PAAF1: variants seen among roughly 807,000 people sequenced by gnomAD.
PAAF1 encodes the protein proteasomal ATPase associated factor 1, also known as proteasomal ATPase-associated factor 1.
PAAF1 carries 46 observed loss-of-function variants against 52.8 expected under a neutral mutation model. That is an observed-to-expected ratio of 0.87 (90% confidence interval 0.69 to 1.11). PAAF1 has a LOEUF of 1.11. Ranked by LOEUF, PAAF1 falls within the 50% of genes most tolerant of loss-of-function variation. PAAF1 has a pLI of 0.00. For missense variants in PAAF1, 424 were observed against 477.4 expected, an observed-to-expected ratio of 0.89 and a Z score of 1.04; for synonymous variants, 178 against 172.8, an observed-to-expected ratio of 1.03 and a Z score of -0.24.
At chr11:73,925,286 C>T (rs115178552) in intron 11 of PAAF1, among the ~76,000 whole-genome samples, 3 of 151,692 alleles carry the variant, frequency 2.0e-5, no homozygotes, top group Non-Finnish European at 4.4e-5. Context: ...ATGAGACCCC[C>T]GTCTCTACAA....
intron 3 of PAAF1, chr11:73,889,334 A>C (rs1949142248): frequency 2.6e-6 from 2 of 781,486 alleles, no homozygotes; most frequent in Non-Finnish European, 3.6e-6. Context: ...TCTCTTAAAC[A>C]GTAGATCTGT....
intron 6 of PAAF1, among the ~76,000 whole-genome samples, chr11:73,907,770 G>C (rs1168385999): frequency 6.6e-6 from 1 of 152,180 alleles, no homozygotes; most frequent in Non-Finnish European, 1.5e-5. Flanking sequence ...TTTTTCTGTT[G>C]ATGTCTACTG....
chr11:73,898,308 A>C (rs1591075487), intron 4 of PAAF1, among the ~76,000 whole-genome samples: 1 of 151,976 alleles, frequency 6.6e-6, no homozygotes, highest in East Asian at 1.9e-4. Flanking sequence ...GCATCTTAGA[A>C]CATTATCTTT....
chr11:73,894,430 A>G (rs1400576572), intron 4 of PAAF1, among the ~76,000 whole-genome samples: 2 of 152,178 alleles, frequency 1.3e-5, no homozygotes, highest in African/African-American at 4.8e-5. Flanking sequence ...AATTGAGGCC[A>G]GGAATTCAAG....
rs980912006 is a variant in PAAF1, at chr11:73,903,191, C to A, written c.532+2771C>A. 2.6e-5 allele frequency among the ~76,000 whole-genome samples: 4 copies of A among 152,280 alleles called. No individual in the cohort carries two copies. The South Asian group carries it at 8.3e-4, about 32-fold the overall frequency. ...TAGAAGAAATGACATGAAGTCAGAT[C>A]CAGGCTGGCCTCTTATCAGGTCACA... is the stretch of plus-strand genomic sequence containing the variant. On this transcript the variant is annotated intron_variant, in intron 6 of 11. Transcript: ENST00000310571.
At chr11:73,896,443 C>T (rs1331508216) in intron 4 of PAAF1, among the ~76,000 whole-genome samples, 3 of 151,024 alleles carry the variant, frequency 2.0e-5, no homozygotes. Flanking sequence ...GAGGACCCTG[C>T]GGCCTTCCGC....
chr11:73,876,908 GT>G, upstream of PAAF1: 1 of 1,101,644 alleles, frequency 9.1e-7, no homozygotes. Flanking sequence ...AAAAAGTCAC[GT>G]TTTCATTGGT....
At chr11:73,895,919 C>T (rs1422559999) in intron 4 of PAAF1, among the ~76,000 whole-genome samples, 16 of 152,116 alleles carry the variant, frequency 1.1e-4, no homozygotes, top group Admixed American at 5.2e-4. Flanking sequence ...CCACCCTGGG[C>T]AACATAGGGG....
intron 8 of PAAF1, among the ~76,000 whole-genome samples, chr11:73,914,893 A>T (rs1950022949): frequency 6.6e-6 from 1 of 151,778 alleles, no homozygotes; most frequent in Non-Finnish European, 1.5e-5. Flanking sequence ...TTCAGTAGAG[A>T]CGGGGTTTCA....
intron 10 of PAAF1, 99 bp downstream of exon 10, chr11:73,919,131 C>CCGA: frequency 9.9e-7 from 1 of 1,012,742 alleles, no homozygotes; most frequent in South Asian, 1.5e-5. Context: ...GGGCATGGTC[C>CCGA]CCCATGATTC....
At chr11:73,893,758 A>AAAAG (rs1565130896) in intron 4 of PAAF1, among the ~76,000 whole-genome samples, 4 of 148,722 alleles carry the variant, frequency 2.7e-5, no homozygotes, top group African/African-American at 7.4e-5. Flanking sequence ...AAAAAAAAAA[A>AAAAG]AAAGAAAGAA....
At chr11:73,889,886 A>G (rs892845745) in intron 3 of PAAF1, among the ~76,000 whole-genome samples, 2 of 152,224 alleles carry the variant, frequency 1.3e-5, no homozygotes, top group African/African-American at 2.4e-5. Flanking sequence ...GCTGGCTAAG[A>G]AAGTGCTGTT....
chr11:73,886,142 C>T (rs923496211), intron 2 of PAAF1, among the ~76,000 whole-genome samples: 2 of 152,166 alleles, frequency 1.3e-5, no homozygotes, highest in Non-Finnish European at 2.9e-5. Flanking sequence ...GCCCATATCT[C>T]TGCAAAATCA....
intron 2 of PAAF1, among the ~76,000 whole-genome samples, chr11:73,883,685 T>G (rs1308925234): frequency 1.3e-5 from 2 of 151,878 alleles, no homozygotes; most frequent in East Asian, 3.9e-4. Flanking sequence ...CCCGGGTAAT[T>G]TTTGTATTTT....
intron 6 of PAAF1, among the ~76,000 whole-genome samples, chr11:73,906,985 A>G (rs570187936): frequency 6.6e-6 from 1 of 151,826 alleles, no homozygotes; most frequent in Admixed American, 6.6e-5. Context: ...GGGTTGCACT[A>G]CCTCTCTACT....
intron 6 of PAAF1, among the ~76,000 whole-genome samples, chr11:73,900,981 C>CA (rs5792636): frequency 0.026 from 1,550 of 59,630 alleles, 109 homozygotes; most frequent in Non-Finnish European, 0.031. Flanking sequence ...GACTCCGTCT[C>CA]AAAAAAAAAA....
intron 10 of PAAF1, among the ~76,000 whole-genome samples, chr11:73,919,360 A>G (rs562393602): frequency 1.3e-5 from 2 of 152,358 alleles, no homozygotes; most frequent in East Asian, 3.9e-4. Context: ...GATAAGGACT[A>G]CATCAGAAGA....
chr11:73,885,190 G>A (rs1389417336), intron 2 of PAAF1, among the ~76,000 whole-genome samples: 1 of 151,742 alleles, frequency 6.6e-6, no homozygotes, highest in African/African-American at 2.4e-5. Flanking sequence ...CCAGGCTGGA[G>A]TGCAATGGCG....
intron 8 of PAAF1, 66 bp from the exon 9 acceptor site, chr11:73,916,479 G>T: frequency 3.9e-6 from 4 of 1,022,244 alleles, no homozygotes; most frequent in Middle Eastern, 2.1e-4. Flanking sequence ...TCCTTTTTTG[G>T]TGCCTGTTTA....
Sources: allele counts gnomAD v4.1 joint callset (sites outside exome capture counted in the v4.1 genomes callset), GRCh38; gene constraint gnomAD v4.1.1; transcripts MANE v1.5; gene names NCBI Gene and HGNC (gene_info 2026-07-23, HGNC 2026-07-21).